Variants in FRMPD4 observed in about 807,000 individuals in gnomAD.
FRMPD4 encodes the protein FERM and PDZ domain containing 4.
Under a neutral mutation model 94.1 loss-of-function variants are expected in FRMPD4, and 22 were observed. The ratio of observed to expected loss-of-function variants is 0.23; its 90% CI spans 0.17 to 0.33. The LOEUF (loss-of-function observed/expected upper bound fraction) is 0.33. FRMPD4 is among the 10% of genes least tolerant of loss of function. The pLI, the probability that FRMPD4 is intolerant of heterozygous loss-of-function variation, is 1.00. For missense variants in FRMPD4, 1,111 were observed against 1,339.9 expected (o/e 0.83, Z 2.67); for synonymous variants, 631 against 548.6 (o/e 1.15, Z -2.10).
rs2055651050 is a variant in FRMPD4 at position 12,343,560 on chromosome X, C to T, written c.42-155120C>T. Among the ~76,000 whole-genome samples, 4 of 111,843 alleles carry T rather than the reference C, an allele frequency of 3.6e-5. No homozygotes were observed. The South Asian group carries it at 1.2e-3, about 32-fold the overall frequency. On this transcript the variant is annotated intron_variant, in intron 1 of 16. Coordinates refer to ENST00000675598, the MANE Select transcript of FRMPD4 (RefSeq NM_001368397.1). ...TGAAGAGAAGAGAGCTGATGAAAAA[C>T]CACTCACCCCTCTTCCTGAGAACAG...
chrX:12,633,400 G>A (rs1026251124), intron 4 of FRMPD4, among the ~76,000 whole-genome samples: 9 of 111,503 alleles, frequency 8.1e-5, no homozygotes, highest in African/African-American at 2.9e-4. Flanking sequence ...CTTAGACAAT[G>A]TGTGGGCCAG....
At chrX:12,326,134 A>T (rs773410508) in intron 1 of FRMPD4, among the ~76,000 whole-genome samples, 1 of 112,355 alleles carries the variant, frequency 8.9e-6, no homozygotes, top group African/African-American at 3.2e-5. Context: ...TAAGTTATTT[A>T]ATATACAGGT....
At chrX:12,486,843 C>T (rs547908445) in intron 1 of FRMPD4, among the ~76,000 whole-genome samples, 1 of 111,886 alleles carries the variant, frequency 8.9e-6, no homozygotes, top group Non-Finnish European at 1.9e-5. Context: ...CTGGATCTTT[C>T]TCTGTGTTCA....
chrX:12,626,175 A>T (rs1398797379), intron 4 of FRMPD4, among the ~76,000 whole-genome samples: 1 of 109,948 alleles, frequency 9.1e-6, no homozygotes, highest in Non-Finnish European at 1.9e-5. Context: ...AAAAAATTTT[A>T]AAAATTAGCC....
chrX:12,476,299 A>G (rs1192418331), intron 1 of FRMPD4, among the ~76,000 whole-genome samples: 90 of 111,820 alleles, frequency 8.0e-4, no homozygotes, highest in African/African-American at 2.8e-3. Context: ...CTTACACCTT[A>G]TACAAAAATT....
chrX:12,557,751 C>G (rs1421312507), intron 2 of FRMPD4, among the ~76,000 whole-genome samples: 2 of 111,313 alleles, frequency 1.8e-5, no homozygotes, highest in African/African-American at 6.5e-5. Flanking sequence ...GAATGCTGGA[C>G]CCCCCCTCCC....
intron 3 of FRMPD4, among the ~76,000 whole-genome samples, chrX:12,023,998 C>T (rs963106455): frequency 1.4e-4 from 16 of 111,337 alleles, no homozygotes; most frequent in African/African-American, 4.6e-4. Flanking sequence ...TAACTGCAGT[C>T]GAACCACAAA....
At chrX:12,705,038 C>T (rs942016881) in intron 11 of FRMPD4, among the ~76,000 whole-genome samples, 2 of 111,715 alleles carry the variant, frequency 1.8e-5, no homozygotes, top group African/African-American at 6.5e-5. Context: ...AGCACCCTCC[C>T]GTGATCGTGA....
intron 1 of FRMPD4, among the ~76,000 whole-genome samples, chrX:12,262,680 G>A (rs1476318860): frequency 4.5e-5 from 5 of 111,708 alleles, no homozygotes; most frequent in Non-Finnish European, 9.4e-5. Context: ...TGATGGTACC[G>A]ATAGAAACCA....
At chrX:12,311,504 G>T (rs1410324588) in intron 1 of FRMPD4, among the ~76,000 whole-genome samples, 2 of 111,063 alleles carry the variant, frequency 1.8e-5, no homozygotes, top group African/African-American at 6.5e-5. Context: ...TTTTCTTCAT[G>T]CATCTTAAGA....
intron 3 of FRMPD4, among the ~76,000 whole-genome samples, chrX:12,101,183 G>T (rs2055252640): frequency 9.0e-6 from 1 of 110,847 alleles, no homozygotes; most frequent in African/African-American, 3.3e-5. Context: ...TCCATAGGTT[G>T]CCATTCAGTT....
At chrX:12,369,203 CTTTTA>C (rs766971202) in intron 1 of FRMPD4, among the ~76,000 whole-genome samples, 30 of 109,109 alleles carry the variant, frequency 2.7e-4, no homozygotes, top group African/African-American at 9.4e-4. Flanking sequence ...TAATCTTAAA[CTTTTA>C]TTTTAATTTT....
chrX:12,144,884 A>T (rs1042251837), intron 1 of FRMPD4, among the ~76,000 whole-genome samples: 2 of 109,598 alleles, frequency 1.8e-5, no homozygotes, highest in African/African-American at 6.6e-5. Flanking sequence ...CAAAGTTATG[A>T]TGATATTGAA....
chrX:12,535,501 G>A (rs2148296753), intron 2 of FRMPD4, among the ~76,000 whole-genome samples: 1 of 112,318 alleles, frequency 8.9e-6, no homozygotes. Context: ...GAGCAAGGTT[G>A]TTGGAATCAG....
chrX:12,163,482 A>T (rs1601646090), intron 1 of FRMPD4, among the ~76,000 whole-genome samples: 1 of 100,052 alleles, frequency 1.0e-5, no homozygotes, highest in Admixed American at 1.1e-4. Context: ...AAAAAAAAAA[A>T]AAAAAATAGA....
At chrX:11,839,369 CTTATTAG>C (rs2053519766) in intron 1 of FRMPD4, among the ~76,000 whole-genome samples, 1 of 111,273 alleles carries the variant, frequency 9.0e-6, no homozygotes, top group African/African-American at 3.3e-5. Flanking sequence ...CTTTCATATA[CTTATTAG>C]TTATTTGTAT....
intron 1 of FRMPD4, among the ~76,000 whole-genome samples, chrX:12,268,369 C>T (rs2054304804): frequency 8.9e-6 from 1 of 111,945 alleles, no homozygotes; most frequent in Non-Finnish European, 1.9e-5. Context: ...ATAGGGAGTG[C>T]AAATATTGTA....
At chrX:12,706,480 A>T (rs759747376) in intron 11 of FRMPD4, among the ~76,000 whole-genome samples, 6 of 111,715 alleles carry the variant, frequency 5.4e-5, no homozygotes, top group African/African-American at 9.8e-5. Context: ...TGCAAGTAGA[A>T]GGCCCACTCA....
At chrX:12,424,036 C>G (rs966105135) in intron 1 of FRMPD4, among the ~76,000 whole-genome samples, 50 of 112,150 alleles carry the variant, frequency 4.5e-4, no homozygotes, top group African/African-American at 1.6e-3. Flanking sequence ...GTTTAAGGGG[C>G]CATCTCGGGT....
Sources: gnomAD v4.1 joint callset for allele counts (sites outside exome capture counted in the v4.1 genomes callset) on GRCh38, gnomAD v4.1.1 for gene constraint, MANE v1.5 for transcripts, NCBI Gene and HGNC (gene_info 2026-07-23, HGNC 2026-07-21) for gene names.